The following ADGRL3 variants were observed in gnomAD, a reference collection of about 807,000 sequenced individuals.
ADGRL3 encodes calcium-independent alpha-latrotoxin receptor 3.
A neutral mutation model predicts 153.5 loss-of-function variants in ADGRL3; 62 were observed. The ratio of observed to expected loss-of-function variants is 0.40; its 90% CI spans 0.33 to 0.50. The LOEUF is 0.50. Ranked by LOEUF, ADGRL3 falls within the 20% of genes least tolerant of loss-of-function variation. The pLI is 0.47. For synonymous variants in ADGRL3, 710 were observed against 672.5 expected, an observed-to-expected ratio of 1.06 and a Z score of -0.86; for missense variants, 1,641 against 1,859.4, an observed-to-expected ratio of 0.88 and a Z score of 2.16.
At chr4:61,815,773 A>G (rs1192123649) in intron 9 of ADGRL3, among the ~76,000 whole-genome samples, 1 of 152,208 alleles carries the variant, frequency 6.6e-6, no homozygotes, top group African/African-American at 2.4e-5. Flanking sequence ...CCTAGAGGAA[A>G]CTAGGTAGGT....
chr4:61,706,549 G>A (rs1035751369), intron 6 of ADGRL3, among the ~76,000 whole-genome samples: 44 of 151,880 alleles, frequency 2.9e-4, no homozygotes, highest in African/African-American at 9.0e-4. Context: ...TTCTACATCC[G>A]CACTTGTTGC....
chr4:61,205,284 A>G (rs962034297), intron 1 of ADGRL3, among the ~76,000 whole-genome samples: 1 of 152,224 alleles, frequency 6.6e-6, no homozygotes, highest in Non-Finnish European at 1.5e-5. Flanking sequence ...AGTTACTGTT[A>G]GAAGTGGGGA....
chr4:61,239,026 A>G (rs922852573), intron 1 of ADGRL3, among the ~76,000 whole-genome samples: 1 of 152,138 alleles, frequency 6.6e-6, no homozygotes, highest in Admixed American at 6.6e-5. Flanking sequence ...CTCTCCAGAA[A>G]GACATTTGTG....
intron 1 of ADGRL3, among the ~76,000 whole-genome samples, chr4:61,270,921 A>T (rs2149781784): frequency 6.6e-6 from 1 of 151,846 alleles, no homozygotes; most frequent in South Asian, 2.1e-4. Context: ...ACTTTGGAAA[A>T]CTCTGTCTCA....
At chr4:61,871,095 G>T (rs56793169) in intron 9 of ADGRL3, among the ~76,000 whole-genome samples, 3 of 149,930 alleles carry the variant, frequency 2.0e-5, no homozygotes, top group Non-Finnish European at 4.4e-5. Flanking sequence ...TGGCTAACAC[G>T]GTGAAACCCC....
chr4:61,732,225 G>A (rs1409433525), intron 7 of ADGRL3, among the ~76,000 whole-genome samples: 1 of 151,892 alleles, frequency 6.6e-6, no homozygotes, highest in Non-Finnish European at 1.5e-5. Flanking sequence ...AACGTTGAGA[G>A]CTTTTTTGCT....
chr4:61,697,614 G>T (rs2095666044), intron 6 of ADGRL3, among the ~76,000 whole-genome samples: 1 of 151,720 alleles, frequency 6.6e-6, no homozygotes, highest in South Asian at 2.1e-4. Flanking sequence ...AATATTCTTG[G>T]TGAAGTATAC....
chr4:61,807,444 C>T lies in ADGRL3; in HGVS notation c.1400-6365C>T, dbSNP rs943508064. Among the ~76,000 whole-genome samples, 5 of 151,504 alleles carry T rather than the reference C, an allele frequency of 3.3e-5. No homozygotes were observed. In the East Asian group the frequency reaches 9.6e-4, roughly 29 times the overall value. Reference sequence around the variant, plus strand: ...TCAAAATTAACATTTGTCATTTAACCACCAAGTCTATTTTTCACGGTTATG... The same window carrying T: ...TCAAAATTAACATTTGTCATTTAACTACCAAGTCTATTTTTCACGGTTATG... On this transcript the variant is annotated intron_variant, in intron 8 of 26. Coordinates refer to ENST00000683033, the MANE Select transcript of ADGRL3 (RefSeq NM_001387552.1).
intron 8 of ADGRL3, among the ~76,000 whole-genome samples, chr4:61,795,010 C>T (rs2097391848): frequency 6.6e-6 from 1 of 152,188 alleles, no homozygotes; most frequent in Non-Finnish European, 1.5e-5. Flanking sequence ...AAGCACTTTA[C>T]ATGAATAATT....
intron 8 of ADGRL3, among the ~76,000 whole-genome samples, chr4:61,769,261 G>T (rs543197282): frequency 6.6e-6 from 1 of 152,052 alleles, no homozygotes; most frequent in Non-Finnish European, 1.5e-5. Flanking sequence ...TGTCTCTTTT[G>T]TCTCTACCAG....
intron 5 of ADGRL3, among the ~76,000 whole-genome samples, chr4:61,628,739 A>G (rs754656471): frequency 4.6e-5 from 7 of 152,154 alleles, no homozygotes; most frequent in Non-Finnish European, 8.8e-5. Flanking sequence ...CTTCTCAAAG[A>G]GAGGGCTGTA....
chr4:61,279,654 T>C (rs989068162), intron 1 of ADGRL3, among the ~76,000 whole-genome samples: 2 of 152,194 alleles, frequency 1.3e-5, no homozygotes, highest in African/African-American at 2.4e-5. Flanking sequence ...TGTTTCTTCA[T>C]GGATTTACTT....
chr4:61,428,589 G>A (rs1054504241), intron 2 of ADGRL3, among the ~76,000 whole-genome samples: 12 of 152,178 alleles, frequency 7.9e-5, no homozygotes, highest in African/African-American at 2.9e-4. Flanking sequence ...AGTAGATTCA[G>A]GAGTGTGTTG....
At chr4:61,578,182 T>C (rs889499573) in intron 4 of ADGRL3, among the ~76,000 whole-genome samples, 1 of 152,092 alleles carries the variant, frequency 6.6e-6, no homozygotes, top group Non-Finnish European at 1.5e-5. Flanking sequence ...GTTTTCTCTG[T>C]GTGTGACACC....
intron 6 of ADGRL3, among the ~76,000 whole-genome samples, chr4:61,693,105 TTTA>T (rs2095570880): frequency 6.6e-6 from 1 of 151,994 alleles, no homozygotes; most frequent in Non-Finnish European, 1.5e-5. Flanking sequence ...AATAGGTTTT[TTTA>T]TTATTATTAT....
intron 9 of ADGRL3, among the ~76,000 whole-genome samples, chr4:61,827,392 G>A (rs1053699790): frequency 6.6e-6 from 1 of 152,226 alleles, no homozygotes; most frequent in Non-Finnish European, 1.5e-5. Context: ...GATGTGGGGC[G>A]AAGTGGGAAG....
At chr4:61,561,216 T>C (rs1348978044) in intron 4 of ADGRL3, among the ~76,000 whole-genome samples, 1 of 152,176 alleles carries the variant, frequency 6.6e-6, no homozygotes, top group Admixed American at 6.6e-5. Context: ...GAGGAGGTAA[T>C]TCTGCTTATC....
intron 1 of ADGRL3, among the ~76,000 whole-genome samples, chr4:61,298,815 T>C (rs1578174676): frequency 1.3e-5 from 2 of 152,192 alleles, no homozygotes; most frequent in East Asian, 3.8e-4. Context: ...ATTAGATTGA[T>C]ATGTTTTAAT....
At chr4:61,547,550 T>C (rs2098719596) in intron 4 of ADGRL3, among the ~76,000 whole-genome samples, 1 of 151,940 alleles carries the variant, frequency 6.6e-6, no homozygotes, top group African/African-American at 2.4e-5. Context: ...CTTAGGATAA[T>C]GTCCTCAAGC....
Sources: allele counts gnomAD v4.1 joint callset (sites outside exome capture counted in the v4.1 genomes callset), GRCh38; gene constraint gnomAD v4.1.1; transcripts MANE v1.5; gene names NCBI Gene and HGNC (gene_info 2026-07-23, HGNC 2026-07-21).